TTLL5: variants seen among roughly 807,000 people sequenced by gnomAD.
The protein encoded by TTLL5 is tubulin polyglutamylase TTLL5.
TTLL5 carries 132 observed loss-of-function variants against 168.4 expected under a neutral mutation model. That is an observed-to-expected ratio of 0.78 (90% CI 0.68 to 0.91). The LOEUF (loss-of-function observed/expected upper bound fraction) is 0.91. TTLL5 is among the 40% of genes least tolerant of loss of function. The probability of loss-of-function intolerance (pLI) is 0.00; values close to 1 mark genes in which losing one functional copy is unlikely to be tolerated. For missense variants in TTLL5, 1,545 were observed against 1,581.5 expected, an observed-to-expected ratio of 0.98 and a Z score of 0.39; for synonymous variants, 546 against 558.6, an observed-to-expected ratio of 0.98 and a Z score of 0.32.
intron 26 of TTLL5, 59 bp from the exon 27 acceptor site, chr14:75,792,857 C>T (rs1566606742): frequency 6.9e-7 from 1 of 1,454,868 alleles, no homozygotes; most frequent in Non-Finnish European, 9.2e-7. Flanking sequence ...TGTCATTATC[C>T]TAATTTTTTT....
intron 13 of TTLL5, among the ~76,000 whole-genome samples, chr14:75,733,553 A>G (rs1204032946): frequency 1.3e-5 from 2 of 152,140 alleles, no homozygotes; most frequent in Non-Finnish European, 2.9e-5. Flanking sequence ...CAGTGTGGCC[A>G]GAGTTGCTTC....
chr14:75,871,923 A>T (rs761583658), intron 29 of TTLL5, among the ~76,000 whole-genome samples: 6 of 152,264 alleles, frequency 3.9e-5, no homozygotes, highest in Non-Finnish European at 7.3e-5. Context: ...AAAGTTGTAA[A>T]GGAAACTTAG....
chr14:75,665,995 A>G (rs1883228656), intron 2 of TTLL5, among the ~76,000 whole-genome samples: 1 of 152,214 alleles, frequency 6.6e-6, no homozygotes, highest in South Asian at 2.1e-4. Flanking sequence ...TAAAGGTGTA[A>G]TTTTCCCTCT....
intron 28 of TTLL5, among the ~76,000 whole-genome samples, chr14:75,861,421 C>A (rs1274090798): frequency 1.3e-5 from 2 of 152,150 alleles, no homozygotes; most frequent in African/African-American, 4.8e-5. Flanking sequence ...TTTCACTTTG[C>A]TCCCTCCTTC....
intron 28 of TTLL5, among the ~76,000 whole-genome samples, chr14:75,843,401 G>T (rs1301528978): frequency 6.6e-6 from 1 of 152,250 alleles, no homozygotes; most frequent in Non-Finnish European, 1.5e-5. Context: ...TTCATCCAAG[G>T]AGGGAGAAGG....
intron 6 of TTLL5, among the ~76,000 whole-genome samples, chr14:75,693,395 C>G (rs970215682): frequency 6.6e-6 from 1 of 152,100 alleles, no homozygotes; most frequent in Non-Finnish European, 1.5e-5. Context: ...CCAAGGTGAT[C>G]TCATGAAGGT....
chr14:75,745,202 G>A lies in TTLL5; in HGVS notation c.1389G>A (p.Met463Ile), dbSNP rs972895719. The A allele has an allele frequency of 6.2e-7, 1 of 1,613,942 alleles. No individual in the cohort carries two copies. Among genetic ancestry groups the A allele is most frequent in the Admixed American group, 1.7e-5 (1 of 60,008 alleles). ...GTGGTTCTGTGCTTGGTCTGTCAAT[G>A]GAGGAGGTAAAGATAAGTTCATTTT... ...KLGGSVLGLS[M>I]EEIKVLRRVK... Residue 463 changes from methionine to isoleucine, a missense_variant, in exon 16 of 32, where the codon ATG becomes ATA. By Grantham distance (10) the Met-to-Ile change is conservative (BLOSUM62 1). Transcript: ENST00000298832.
chr14:75,809,744 G>A (rs1893882839), intron 27 of TTLL5, among the ~76,000 whole-genome samples: 1 of 151,796 alleles, frequency 6.6e-6, no homozygotes, highest in Non-Finnish European at 1.5e-5. Context: ...CTCAGCTCTG[G>A]TAACCATCAT....
intron 15 of TTLL5, among the ~76,000 whole-genome samples, chr14:75,738,580 G>A (rs573355375): frequency 2.6e-5 from 4 of 152,234 alleles, no homozygotes; most frequent in Admixed American, 6.5e-5. Flanking sequence ...GGTGGAATTC[G>A]AAACTCTATA....
chr14:75,777,303 T>G lies in TTLL5; in HGVS notation c.2387+453T>G, dbSNP rs183130671. ...GAAATTAGAGGCATCTCATATTTAC[T>G]GGGTCTGAATTTGTCCCTGACCTAC... On this transcript the variant is annotated intron_variant, in intron 23 of 31. Transcript: ENST00000298832. 1.6e-4 allele frequency among the ~76,000 whole-genome samples: 24 copies of G among 152,330 alleles called. No individual in the cohort carries two copies. The East Asian group carries it at 4.6e-3, about 29-fold the overall frequency.
chr14:75,696,698 T>A (rs1047509052), intron 6 of TTLL5, among the ~76,000 whole-genome samples: 1 of 152,228 alleles, frequency 6.6e-6, no homozygotes, highest in Non-Finnish European at 1.5e-5. Flanking sequence ...TTTCTCCTCT[T>A]GTTCCTCAGT....
intron 31 of TTLL5, among the ~76,000 whole-genome samples, chr14:75,914,033 A>ATATAT (rs1555356334): frequency 1.4e-5 from 1 of 71,118 alleles, no homozygotes; most frequent in African/African-American, 1.6e-4. Flanking sequence ...AAAAAAAAAA[A>ATATAT]ATATATATAT....
intron 30 of TTLL5, among the ~76,000 whole-genome samples, chr14:75,895,013 T>G (rs1410729248): frequency 1.3e-5 from 2 of 152,182 alleles, no homozygotes; most frequent in Non-Finnish European, 2.9e-5. Flanking sequence ...ACTCAAAAAT[T>G]ACTGAAGACT....
At chr14:75,763,255 C>CTGTGTGTGTGTGTGTGTG (rs60621403) in intron 18 of TTLL5, among the ~76,000 whole-genome samples, 16 of 58,516 alleles carry the variant, frequency 2.7e-4, no homozygotes, top group African/African-American at 7.7e-4. Context: ...AGCTCTCTCT[C>CTGTGTGTGTGTGTGTGTG]TGTGTGTGTG....
intron 31 of TTLL5, among the ~76,000 whole-genome samples, chr14:75,939,005 G>T (rs1254720040): frequency 6.6e-6 from 1 of 152,194 alleles, no homozygotes; most frequent in African/African-American, 2.4e-5. Context: ...CACAAGAGCT[G>T]GTGGAAGGTG....
intron 28 of TTLL5, among the ~76,000 whole-genome samples, chr14:75,832,910 A>G (rs1156460736): frequency 1.3e-5 from 2 of 152,020 alleles, no homozygotes; most frequent in African/African-American, 4.8e-5. Flanking sequence ...TTCTTCTCCT[A>G]TCAGGCCCAG....
intron 28 of TTLL5, among the ~76,000 whole-genome samples, chr14:75,841,535 G>A (rs756482162): frequency 6.6e-6 from 1 of 151,934 alleles, no homozygotes; most frequent in Non-Finnish European, 1.5e-5. Context: ...TGACTTTCTG[G>A]GTGATTCCCT....
Position 75,745,131 on chromosome 14 carries a change from A to G in TTLL5, c.1318A>G (p.Lys440Glu), listed in dbSNP as rs1023392669. The change falls in exon 16 of 32, where the codon AAA (lysine) becomes GAA (glutamate). Residue 440 changes from lysine to glutamate, a missense_variant. Physicochemically the swap from Lys to Glu is moderately conservative, Grantham distance 56. Coordinates refer to ENST00000298832, the MANE Select transcript of TTLL5 (RefSeq NM_015072.5). ...ACTCTCTGCCAGTGATGCGGAAATG[A>G]AAAACCTCGTGGGCTCAGCCCGGGA... ...RPLSASDAEM[K>E]NLVGSAREKG... 1.2e-6 allele frequency: 2 copies of G among 1,613,846 alleles called. No homozygotes were observed. The highest frequency in any genetic ancestry group is 1.7e-6 in the Non-Finnish European group (2 of 1,179,880).
intron 6 of TTLL5, among the ~76,000 whole-genome samples, chr14:75,696,835 G>A (rs781124827): frequency 6.6e-6 from 1 of 152,092 alleles, no homozygotes; most frequent in Non-Finnish European, 1.5e-5. Context: ...AACATACATT[G>A]CCCTGCACTT....
Sources: allele counts gnomAD v4.1 joint callset (sites outside exome capture counted in the v4.1 genomes callset), GRCh38; gene constraint gnomAD v4.1.1; transcripts MANE v1.5; gene names NCBI Gene and HGNC (gene_info 2026-07-23, HGNC 2026-07-21).